The following ADCY1 variants were observed in gnomAD, a reference collection of about 807,000 sequenced individuals.
ADCY1 encodes adenylate cyclase 1, also known as adenylate cyclase type 1.
ADCY1 carries 28 observed loss-of-function variants against 105.4 expected under a neutral mutation model. The observed-to-expected ratio is 0.27, with a 90% CI of 0.20 to 0.36. The LOEUF is 0.36. Among genes scored for constraint, ADCY1 ranks in the 10% least tolerant of loss-of-function variants. The pLI is 1.00. For synonymous variants in ADCY1, 655 were observed against 623.8 expected, an observed-to-expected ratio of 1.05 and a Z score of -0.75; for missense variants, 977 against 1,434.2, an observed-to-expected ratio of 0.68 and a Z score of 5.15.
intron 17 of ADCY1, among the ~76,000 whole-genome samples, chr7:45,706,907 G>A (rs1296456668): frequency 6.6e-6 from 1 of 152,122 alleles, no homozygotes; most frequent in African/African-American, 2.4e-5. Flanking sequence ...AATTCGAACA[G>A]GCACCTCACC....
chr7:45,652,766 ATC>A (rs907600871), intron 5 of ADCY1, among the ~76,000 whole-genome samples: 1 of 152,178 alleles, frequency 6.6e-6, no homozygotes, highest in African/African-American at 2.4e-5. Context: ...AGGGTGGGGC[ATC>A]TCTTTGTAAA....
intron 5 of ADCY1, among the ~76,000 whole-genome samples, chr7:45,655,948 G>A (rs1794928728): frequency 6.6e-6 from 1 of 152,054 alleles, no homozygotes; most frequent in Non-Finnish European, 1.5e-5. Flanking sequence ...TTTGGTTTCA[G>A]TGCCTCAAAG....
chr7:45,606,772 G>A (rs568428946), intron 2 of ADCY1, among the ~76,000 whole-genome samples: 13 of 152,206 alleles, frequency 8.5e-5, no homozygotes, highest in Admixed American at 1.3e-4. Flanking sequence ...AGATAAATTC[G>A]TTAAGATTTT....
chr7:45,582,412 T>A (rs552630435), intron 1 of ADCY1, among the ~76,000 whole-genome samples: 1 of 152,190 alleles, frequency 6.6e-6, no homozygotes, highest in East Asian at 1.9e-4. Flanking sequence ...GGAAGTGTAG[T>A]GAGGGCTAGT....
chr7:45,681,224 C>G (rs527246619), intron 11 of ADCY1, among the ~76,000 whole-genome samples: 4 of 152,200 alleles, frequency 2.6e-5, no homozygotes, highest in African/African-American at 7.2e-5. Flanking sequence ...AGAATTACCC[C>G]CCTTTTGTTA....
At chr7:45,610,974 A>AGG (rs1793564315) in intron 3 of ADCY1, among the ~76,000 whole-genome samples, 1 of 95,632 alleles carries the variant, frequency 1.0e-5, no homozygotes, top group Non-Finnish European at 2.1e-5. Flanking sequence ...GTGATGGTGG[A>AGG]GGTGGGGGGT....
In ADCY1 at chr7:45,592,788, T is replaced by C. The variant is rs1465089544; in HGVS notation, c.669T>C (p.Gly223=). 1.9e-6 allele frequency: 3 copies of C among 1,614,204 alleles called. No individual in the cohort carries two copies. Among genetic ancestry groups the C allele is most frequent in the Admixed American group, 3.3e-5 (2 of 60,030 alleles). ...TLGANALLFV[G]VNMYGVFVRI... ...GTGCCAATGCCTTGCTCTTCGTCGG[T>C]GTGAACATGTATGGGGTCTTTGTGC... Residue 223 remains glycine (G), a synonymous_variant, in exon 2 of 20, where the codon GGT becomes GGC. Coordinates refer to ENST00000297323, the MANE Select transcript of ADCY1 (RefSeq NM_021116.4).
chr7:45,705,244 C>G (rs368598148), intron 17 of ADCY1, among the ~76,000 whole-genome samples: 6 of 152,086 alleles, frequency 3.9e-5, no homozygotes, highest in Admixed American at 2.6e-4. Context: ...TACCTGAATA[C>G]CAGACCCAGA....
intron 4 of ADCY1, among the ~76,000 whole-genome samples, chr7:45,641,932 C>CAAAAAAAAAAAAAAAAAAAAAAAAAAA: frequency 2.7e-5 from 1 of 36,398 alleles, no homozygotes; most frequent in Non-Finnish European, 5.1e-5. Context: ...GACTCCGTCT[C>CAAAAAAAAAAAAAAAAAAAAAAAAAAA]AAAAAAAAAA....
rs144294784 is a variant in ADCY1 at position 45,694,721 on chromosome 7, G to A, written c.2454+8048G>A. Among the ~76,000 whole-genome samples, 404 of 152,302 alleles carry A rather than the reference G, an allele frequency of 2.7e-3. 4 individuals carry two copies. The highest frequency in any genetic ancestry group is 8.9e-3 in the African/African-American group (369 of 41,572). On this transcript the variant is annotated intron_variant, in intron 14 of 19. Coordinates refer to ENST00000297323, the MANE Select transcript of ADCY1 (RefSeq NM_021116.4). ...CCTTTGGGTCTTGCTTTTCACCTTT[G>A]TTAGGAAGAACCAGAGGAGCATTAA...
At chr7:45,608,301 T>C (rs1187928479) in intron 2 of ADCY1, among the ~76,000 whole-genome samples, 1 of 152,212 alleles carries the variant, frequency 6.6e-6, no homozygotes, top group African/African-American at 2.4e-5. Context: ...GGTTATTTGG[T>C]TTTTGCTAGA....
chr7:45,699,566 A>G (rs1034212736), intron 14 of ADCY1, among the ~76,000 whole-genome samples: 2 of 151,736 alleles, frequency 1.3e-5, no homozygotes, highest in Non-Finnish European at 2.9e-5. Context: ...AGAGCTGCGG[A>G]CAAGGTGGAG....
intron 2 of ADCY1, among the ~76,000 whole-genome samples, chr7:45,595,844 A>AT (rs1793057251): frequency 6.6e-6 from 1 of 152,008 alleles, no homozygotes; most frequent in Admixed American, 6.5e-5. Context: ...CTTTTGCTGT[A>AT]TTTTTTCTGT....
chr7:45,641,912 G>A (rs538325102), intron 4 of ADCY1, among the ~76,000 whole-genome samples: 1,665 of 45,338 alleles, frequency 0.037, 19 homozygotes, highest in Non-Finnish European at 0.055. Context: ...CGGCCTGGGC[G>A]ACAGAGCGAG....
At chr7:45,629,719 C>T (rs369772654) in intron 4 of ADCY1, among the ~76,000 whole-genome samples, 20 of 152,098 alleles carry the variant, frequency 1.3e-4, no homozygotes, top group African/African-American at 4.8e-4. Context: ...CGGGGTTTCA[C>T]CTTGTTAGCC....
chr7:45,584,392 C>T (rs1792656370), intron 1 of ADCY1, among the ~76,000 whole-genome samples: 1 of 152,200 alleles, frequency 6.6e-6, no homozygotes, highest in African/African-American at 2.4e-5. Context: ...TGGCGTGGGG[C>T]CCAAGGCATC....
chr7:45,679,171 C>T (rs1000237488), intron 10 of ADCY1, among the ~76,000 whole-genome samples: 11 of 152,162 alleles, frequency 7.2e-5, no homozygotes, highest in Non-Finnish European at 1.3e-4. Context: ...GGAATACTAC[C>T]TCCTCTGAGT....
rs770132408 is a variant in ADCY1 at position 45,679,756 on chromosome 7, T to C, written c.1946T>C (p.Val649Ala). The change falls in exon 11 of 20, where the codon GTG (valine) becomes GCG (alanine). Residue 649 changes from valine to alanine, a missense_variant. Physicochemically the swap from Val to Ala is moderately conservative, Grantham distance 64. Around this residue, in one of 7 missense-constraint regions of ADCY1, gnomAD observed 275 missense variants for 362.1 expected, o/e 0.76. Coordinates refer to ENST00000297323, the MANE Select transcript of ADCY1 (RefSeq NM_021116.4). ...LLLVFCICFL[V>A]ACVLYLHITR... ...CTAGTATTCTGCATCTGCTTCCTGG[T>C]GGCCTGTGTCCTGTACCTGCACATC... 3.7e-6 allele frequency: 6 copies of C among 1,614,118 alleles called. No individual in the cohort carries two copies. The highest frequency in any genetic ancestry group is 5.1e-6 in the Non-Finnish European group (6 of 1,180,040).
At chr7:45,623,621 T>C (rs538853551) in intron 4 of ADCY1, among the ~76,000 whole-genome samples, 1 of 152,286 alleles carries the variant, frequency 6.6e-6, no homozygotes, top group East Asian at 1.9e-4. Context: ...ATGGATACAT[T>C]GTACTACTCA....
Sources: allele counts gnomAD v4.1 joint callset (sites outside exome capture counted in the v4.1 genomes callset), GRCh38; gene constraint gnomAD v4.1.1; regional missense constraint gnomAD v4.1.1; transcripts MANE v1.5; gene names NCBI Gene and HGNC (gene_info 2026-07-23, HGNC 2026-07-21).